SEPSECS: variants seen among roughly 807,000 people sequenced by gnomAD.
SEPSECS encodes Sep (O-phosphoserine) tRNA:Sec (selenocysteine) tRNA synthase, also known as O-phosphoseryl-tRNA(Sec) selenium transferase.
A neutral mutation model predicts 52.1 loss-of-function variants in SEPSECS; 42 were observed. The ratio of observed to expected loss-of-function variants is 0.81; its 90% CI spans 0.63 to 1.04. SEPSECS has a LOEUF of 1.04. Among genes scored for constraint, SEPSECS ranks in the 50% least tolerant of loss-of-function variants. SEPSECS has a pLI of 0.00. For synonymous variants in SEPSECS, 216 were observed against 211.4 expected, an observed-to-expected ratio of 1.02 and a Z score of -0.19; for missense variants, 590 against 610.6, an observed-to-expected ratio of 0.97 and a Z score of 0.36.
intron 8 of SEPSECS, among the ~76,000 whole-genome samples, chr4:25,133,896 T>C (rs562198051): frequency 2.0e-4 from 31 of 151,952 alleles, no homozygotes; most frequent in African/African-American, 6.5e-4. Flanking sequence ...AGAGGATTGC[T>C]TGAGCTCAGG....
At chr4:25,136,400 TACA>T (rs1728844708) in intron 8 of SEPSECS, among the ~76,000 whole-genome samples, 2 of 152,004 alleles carry the variant, frequency 1.3e-5, no homozygotes, top group African/African-American at 4.8e-5. Flanking sequence ...AGCATTCCTA[TACA>T]ACAACAAACA....
intron 3 of SEPSECS, among the ~76,000 whole-genome samples, chr4:25,156,443 G>A (rs1385119626): frequency 6.6e-6 from 1 of 151,654 alleles, no homozygotes; most frequent in Non-Finnish European, 1.5e-5. Flanking sequence ...GGTGGCTCAT[G>A]CCTGTAATCC....
At chr4:25,141,308 C>A (rs1711533477) in intron 8 of SEPSECS, among the ~76,000 whole-genome samples, 1 of 152,150 alleles carries the variant, frequency 6.6e-6, no homozygotes, top group Non-Finnish European at 1.5e-5. Flanking sequence ...CACTGTCTTG[C>A]AATCTCATCT....
intron 8 of SEPSECS, among the ~76,000 whole-genome samples, chr4:25,132,719 C>T (rs1454152462): frequency 3.3e-5 from 5 of 152,118 alleles, no homozygotes; most frequent in African/African-American, 7.2e-5. Flanking sequence ...CCAATTAGTA[C>T]ATTAGAGAGC....
At position 25,156,044 on chromosome 4, in the gene SEPSECS, G is replaced by A; in HGVS notation, c.540C>T (p.Ile180=). The A allele has an allele frequency of 6.2e-7, 1 of 1,613,486 alleles. No individual in the cohort carries two copies. The highest frequency in any genetic ancestry group is 8.5e-7 in the Non-Finnish European group (1 of 1,179,512). ...IDQKSCFKSM[I]TAGFEPVVIE... ...GTATGACACTTCTCTTACCTGCAGTGATCATGGATTTAAAGCAGGACTTCT... is the reference window on the plus strand; with the variant it reads ...GTATGACACTTCTCTTACCTGCAGTAATCATGGATTTAAAGCAGGACTTCT... Residue 180 remains isoleucine, a synonymous_variant, in exon 4 of 11, where the codon ATC becomes ATT. Transcript: ENST00000382103.
chr4:25,121,777 A>G lies in SEPSECS; in HGVS notation c.*2154T>C, dbSNP rs1728136272. 1 of 152,176 alleles carries G rather than the reference A, an allele frequency of 6.6e-6. No homozygotes were observed. The allele number at this position is 152,176 out of a possible 1,614,324, so 9.4% of individuals were successfully genotyped here. On this transcript the variant is annotated 3_prime_UTR_variant, in exon 11 of 11. Coordinates refer to ENST00000382103, the MANE Select transcript of SEPSECS (RefSeq NM_016955.4). ...AGGAATGAAATATTGTAACATATCTATCATTCACATGTGAGTTCATGTAAT... is the reference window on the plus strand; with the variant it reads ...AGGAATGAAATATTGTAACATATCTGTCATTCACATGTGAGTTCATGTAAT...
At chr4:25,160,483 AAAAACAAAAC>A (rs779134137), upstream of SEPSECS, 19 of 830,514 alleles carry the variant, frequency 2.3e-5, 1 homozygote, top group Middle Eastern at 6.9e-4. Flanking sequence ...CCTTGGGACA[AAAAACAAAAC>A]AAAACAAAAC....
At position 25,144,755 on chromosome 4, in the gene SEPSECS, A is replaced by G. The variant is rs1304669547; in HGVS notation, c.1026+19T>C. On this transcript the variant is annotated intron_variant, in intron 8 of 10. Transcript: ENST00000382103. The stretch of plus-strand genomic sequence containing the variant: ...GTTCTAGTCAAGAATGTTATTCGAC[A>G]CCTAAAGGGAAAGCTTACCTTTCTT... The G allele has an allele frequency of 5.9e-6, 9 of 1,534,718 alleles. No homozygotes were observed. The highest frequency in any genetic ancestry group is 8.1e-6 in the Non-Finnish European group (9 of 1,108,398).
At position 25,123,822 on chromosome 4, in the gene SEPSECS, T is replaced by C. The variant is rs546485582; in HGVS notation, c.*109A>G. ...CCAAAGTCTGCTCCTTGACTGAATATTCCCATGAAATTCTCAATTCAAAAA... is the reference window on the plus strand; with the variant it reads ...CCAAAGTCTGCTCCTTGACTGAATACTCCCATGAAATTCTCAATTCAAAAA... On this transcript the variant is annotated 3_prime_UTR_variant, in exon 11 of 11. Transcript: ENST00000382103. 20 of 977,544 alleles carry C rather than the reference T, an allele frequency of 2.0e-5. No individual in the cohort carries two copies. In the African/African-American group the frequency reaches 2.7e-4, roughly 13 times the overall value. The allele number at this position is 977,544 out of a possible 1,614,324, so 60.6% of individuals were successfully genotyped here.
At position 25,124,223 on chromosome 4, in the gene SEPSECS, A is replaced by T. The variant is rs1577598191; in HGVS notation, c.1214T>A (p.Val405Asp). 6 of 1,613,028 alleles carry T rather than the reference A, an allele frequency of 3.7e-6. No homozygotes were observed. Among genetic ancestry groups the T allele is most frequent in the Non-Finnish European group, 5.1e-6 (6 of 1,179,492 alleles). The change falls in exon 11 of 11, where the codon GTT becomes GAT. Residue 405 changes from valine to aspartate, a missense_variant and splice_region_variant. Coordinates refer to ENST00000382103, the MANE Select transcript of SEPSECS (RefSeq NM_016955.4). The stretch of plus-strand genomic sequence containing the variant: ...AGTTTGCATGGACCCAAGAGGCACA[A>T]CCCTGAAAGAAGAAAGATTTACCAA... ...LFTRQVSGAR[V>D]VPLGSMQTVS...
intron 8 of SEPSECS, among the ~76,000 whole-genome samples, chr4:25,132,000 G>A (rs1477580785): frequency 6.6e-6 from 1 of 152,082 alleles, no homozygotes; most frequent in Admixed American, 6.5e-5. Flanking sequence ...TTTTTTAAAA[G>A]GGGTTAAATT....
At chr4:25,144,712 C>T in intron 8 of SEPSECS, 62 bp downstream of exon 8, 3 of 1,183,870 alleles carry the variant, frequency 2.5e-6, no homozygotes, top group South Asian at 2.4e-5. Context: ...GCAGAAAACA[C>T]CAATGATTTG....
In SEPSECS at chr4:25,123,280, T is replaced by G. The variant is rs1457439145; in HGVS notation, c.*651A>C. On this transcript the variant is annotated 3_prime_UTR_variant, in exon 11 of 11. Transcript: ENST00000382103. ...ACATTTTGGGCTGGATAATTCTTTGTTGTGGGAGTTGTCCCATGCATTGTA... is the reference window on the plus strand; with the variant it reads ...ACATTTTGGGCTGGATAATTCTTTGGTGTGGGAGTTGTCCCATGCATTGTA... 1 of 152,744 alleles carries G rather than the reference T, an allele frequency of 6.5e-6. No individual in the cohort carries two copies. Among genetic ancestry groups the G allele is most frequent in the Non-Finnish European group, 1.5e-5 (1 of 68,462 alleles). The allele number at this position is 152,744 out of a possible 1,614,324, so 9.5% of individuals were successfully genotyped here. A position where few individuals can be genotyped will look rare whatever the true frequency, so the allele number is the denominator to read the frequency against.
chr4:25,127,391 C>G (rs781400134), intron 8 of SEPSECS, 34 bp from the exon 9 acceptor site: 1 of 1,448,344 alleles, frequency 6.9e-7, no homozygotes, highest in Non-Finnish European at 9.7e-7. Context: ...TAAAACAAAT[C>G]AAATATCTAC....
intron 6 of SEPSECS, among the ~76,000 whole-genome samples, chr4:25,148,197 C>G (rs1248298603): frequency 2.0e-5 from 3 of 151,686 alleles, no homozygotes; most frequent in Admixed American, 6.6e-5. Context: ...CTAAAAAATA[C>G]AAAAAATTAG....
At chr4:25,160,232 G>A (rs1712985226) in intron 1 of SEPSECS, 24 bp downstream of exon 1, 1 of 1,549,742 alleles carries the variant, frequency 6.5e-7, no homozygotes, top group South Asian at 1.2e-5. Context: ...GCGGCGGCTG[G>A]GGAGGGGACC....
At chr4:25,153,629 A>C (rs902787680) in intron 5 of SEPSECS, among the ~76,000 whole-genome samples, 7 of 152,038 alleles carry the variant, frequency 4.6e-5, no homozygotes, top group African/African-American at 1.7e-4. Context: ...ACTAATAAAA[A>C]CAAAATGTAT....
At chr4:25,135,707 C>T (rs1269696236) in intron 8 of SEPSECS, among the ~76,000 whole-genome samples, 1 of 152,026 alleles carries the variant, frequency 6.6e-6, no homozygotes, top group Non-Finnish European at 1.5e-5. Context: ...TTTATGAGGC[C>T]AGCATCATCC....
intron 6 of SEPSECS, 79 bp from the exon 7 acceptor site, chr4:25,145,212 A>C: frequency 7.0e-7 from 1 of 1,422,690 alleles, no homozygotes; most frequent in Non-Finnish European, 9.9e-7. Flanking sequence ...CACAACAAAA[A>C]ATTATAACTA....
Sources: allele counts gnomAD v4.1 joint callset (sites outside exome capture counted in the v4.1 genomes callset), GRCh38; gene constraint gnomAD v4.1.1; transcripts MANE v1.5; gene names NCBI Gene and HGNC (gene_info 2026-07-23, HGNC 2026-07-21).